Variants in UBE2D3 observed in about 807,000 individuals in gnomAD.
UBE2D3 encodes ubiquitin-conjugating enzyme E2 D3.
UBE2D3 carries 2 observed loss-of-function variants against 22.8 expected under a neutral mutation model. That is an observed-to-expected ratio of 0.09 (90% CI 0.04 to 0.28). The LOEUF is 0.28. Ranked by LOEUF, UBE2D3 falls within the 10% of genes least tolerant of loss-of-function variation. The probability of loss-of-function intolerance (pLI) is 1.00; values close to 1 mark genes in which losing one functional copy is unlikely to be tolerated. For synonymous variants in UBE2D3, 56 were observed against 60.4 expected, an observed-to-expected ratio of 0.93 and a Z score of 0.34; for missense variants, 27 against 182.5, an observed-to-expected ratio of 0.15 and a Z score of 4.91.
intron 1 of UBE2D3, among the ~76,000 whole-genome samples, chr4:102,852,055 A>G (rs1159441681): frequency 2.0e-5 from 3 of 151,440 alleles, no homozygotes; most frequent in Admixed American, 1.3e-4. Flanking sequence ...CCATGTAACT[A>G]TTGGCCCATG....
At chr4:102,800,985 A>T (rs1025026140) in intron 6 of UBE2D3, among the ~76,000 whole-genome samples, 3 of 152,036 alleles carry the variant, frequency 2.0e-5, no homozygotes, top group African/African-American at 7.2e-5. Context: ...TTAGGTAGAA[A>T]CAACCTATCA....
chr4:102,822,584 G>A (rs1038765512), intron 2 of UBE2D3, among the ~76,000 whole-genome samples: 1 of 152,132 alleles, frequency 6.6e-6, no homozygotes, highest in Non-Finnish European at 1.5e-5. Context: ...TGTATAAGTG[G>A]GAGAGCAAAG....
At chr4:102,815,101 T>C (rs902414618) in intron 2 of UBE2D3, among the ~76,000 whole-genome samples, 3 of 152,164 alleles carry the variant, frequency 2.0e-5, no homozygotes, top group Non-Finnish European at 4.4e-5. Context: ...TGGAGTACAA[T>C]GGCACAATCT....
chr4:102,815,250 G>A (rs1728632067), intron 2 of UBE2D3, among the ~76,000 whole-genome samples: 1 of 151,960 alleles, frequency 6.6e-6, no homozygotes, highest in Non-Finnish European at 1.5e-5. Flanking sequence ...TCACCATGTT[G>A]GCCACACTGG....
At chr4:102,833,488 A>T (rs223378) in intron 1 of UBE2D3, among the ~76,000 whole-genome samples, 5 of 152,138 alleles carry the variant, frequency 3.3e-5, no homozygotes, top group Non-Finnish European at 7.4e-5. Flanking sequence ...AAGGTGACTG[A>T]GACTGTGCTT....
chr4:102,819,953 A>G (rs1391923314), intron 2 of UBE2D3, among the ~76,000 whole-genome samples: 1 of 152,258 alleles, frequency 6.6e-6, no homozygotes, highest in Non-Finnish European at 1.5e-5. Context: ...ACTGTGAATC[A>G]GCATTATAAA....
intron 1 of UBE2D3, among the ~76,000 whole-genome samples, chr4:102,852,815 T>C (rs369428633): frequency 6.6e-6 from 1 of 152,160 alleles, no homozygotes; most frequent in East Asian, 1.9e-4. Context: ...TCAGACTGTT[T>C]TACGAATAAG....
At chr4:102,820,721 TAAAACAAAC>T (rs1055617042) in intron 2 of UBE2D3, among the ~76,000 whole-genome samples, 36 of 152,070 alleles carry the variant, frequency 2.4e-4, no homozygotes, top group African/African-American at 8.7e-4. Flanking sequence ...TTATGGACAT[TAAAACAAAC>T]AAAACAAACA....
At chr4:102,804,891 G>GAA (rs992354580) in intron 4 of UBE2D3, among the ~76,000 whole-genome samples, 2 of 152,014 alleles carry the variant, frequency 1.3e-5, no homozygotes, top group African/African-American at 4.8e-5. Flanking sequence ...CTTTTTAGTT[G>GAA]AGAGGCTGGT....
Position 102,863,774 on chromosome 4 carries a change from G to A in UBE2D3, c.-129+4941C>T, listed in dbSNP as rs144759203. Among the ~76,000 whole-genome samples, 5 of 152,316 alleles carry A rather than the reference G, an allele frequency of 3.3e-5. No homozygotes were observed. In the East Asian group the frequency reaches 7.7e-4, roughly 24 times the overall value. ...CTCCCAAAGTGCTGGGATTACAGAC[G>A]TGGGTCACCGTGCCCAGCTGGGATC... On this transcript the variant is annotated intron_variant, in intron 1 of 7. Transcript: ENST00000338145.
chr4:102,801,364 G>A, intron 6 of UBE2D3, 90 bp downstream of exon 6: 4 of 1,115,388 alleles, frequency 3.6e-6, no homozygotes, highest in South Asian at 1.5e-5. Flanking sequence ...TTACCAAAAA[G>A]CTGCCATAAT....
intron 1 of UBE2D3, among the ~76,000 whole-genome samples, chr4:102,866,042 G>C (rs989803161): frequency 1.3e-5 from 2 of 152,132 alleles, no homozygotes; most frequent in South Asian, 2.1e-4. Context: ...AAGAAGGCAG[G>C]GTTGTGGAAA....
intron 1 of UBE2D3, among the ~76,000 whole-genome samples, chr4:102,853,772 G>C (rs939532229): frequency 2.0e-5 from 3 of 152,140 alleles, no homozygotes; most frequent in Admixed American, 6.6e-5. Context: ...TACAGTATCT[G>C]AATGAACTAT....
At position 102,839,805 on chromosome 4, in the gene UBE2D3, T is replaced by C. The variant is rs1215064594; in HGVS notation, c.-128-13169A>G. Among the ~76,000 whole-genome samples, 5 of 152,304 alleles carry C rather than the reference T, an allele frequency of 3.3e-5. No homozygotes were observed. In the East Asian group the frequency reaches 9.6e-4, roughly 29 times the overall value. ...AGACAAAAATAGCCAAATTGGACTA[T>C]ATTAAACTAAAAAGCTCAGCAAAGG... On this transcript the variant is annotated intron_variant, in intron 1 of 7. Transcript: ENST00000338145.
At chr4:102,803,177 T>A (rs1726473406) in intron 4 of UBE2D3, among the ~76,000 whole-genome samples, 1 of 152,166 alleles carries the variant, frequency 6.6e-6, no homozygotes, top group African/African-American at 2.4e-5. Flanking sequence ...ATTTTATGCA[T>A]GAGAAAAATG....
At chr4:102,862,576 C>A (rs997753737) in intron 1 of UBE2D3, among the ~76,000 whole-genome samples, 3 of 152,160 alleles carry the variant, frequency 2.0e-5, no homozygotes, top group African/African-American at 7.2e-5. Flanking sequence ...TGGAACACAT[C>A]CTCTATTAGC....
chr4:102,804,761 G>GC, intron 4 of UBE2D3, among the ~76,000 whole-genome samples: 1 of 152,202 alleles, frequency 6.6e-6, no homozygotes, highest in East Asian at 1.9e-4. Context: ...GCAACCCTCT[G>GC]CCTCCTGGGA....
At chr4:102,826,839 C>T in intron 1 of UBE2D3, 1 of 1,147,572 alleles carries the variant, frequency 8.7e-7, no homozygotes, top group Non-Finnish European at 1.1e-6. Flanking sequence ...TTTAACTTCC[C>T]GGCCTCTAGA....
chr4:102,863,283 T>A (rs1272323906), intron 1 of UBE2D3, among the ~76,000 whole-genome samples: 1 of 152,014 alleles, frequency 6.6e-6, no homozygotes, highest in Non-Finnish European at 1.5e-5. Flanking sequence ...ACTCCTGACG[T>A]CAGGTGAGCC....
Sources: allele counts gnomAD v4.1 joint callset (sites outside exome capture counted in the v4.1 genomes callset), GRCh38; gene constraint gnomAD v4.1.1; transcripts MANE v1.5; gene names NCBI Gene and HGNC (gene_info 2026-07-23, HGNC 2026-07-21).